Variants in RNF207 observed in about 807,000 individuals in gnomAD.
RNF207 encodes ring finger protein 207.
A neutral mutation model predicts 79.0 loss-of-function variants in RNF207; 72 were observed. The observed-to-expected ratio is 0.91, with a 90% confidence interval of 0.75 to 1.11. The LOEUF is 1.11. RNF207 is among the 50% of genes least tolerant of loss of function. The probability of loss-of-function intolerance (pLI) is 0.00; values close to 1 mark genes in which losing one functional copy is unlikely to be tolerated. For missense variants in RNF207, 936 were observed against 855.8 expected, an observed-to-expected ratio of 1.09 and a Z score of -1.17; for synonymous variants, 348 against 366.2, an observed-to-expected ratio of 0.95 and a Z score of 0.57.
Position 6,217,819 on chromosome 1 carries a change from T to A in RNF207, c.1653-470T>A, listed in dbSNP as rs1668411525. 6.6e-6 allele frequency among the ~76,000 whole-genome samples: 1 copy of A among 152,200 alleles called. No homozygotes were observed. The highest frequency in any genetic ancestry group is 1.5e-5 in the Non-Finnish European group (1 of 68,034). ...GGGCTGGACAGCTCTCTTGGGGACCTTCCCTGTGCACCTGTGACCGTGTCT... is the reference window on the plus strand; with the variant it reads ...GGGCTGGACAGCTCTCTTGGGGACCATCCCTGTGCACCTGTGACCGTGTCT... On this transcript the variant is annotated intron_variant, in intron 16 of 17. Coordinates refer to ENST00000377939, the MANE Select transcript of RNF207 (RefSeq NM_207396.3). This position sits in a 1 kb window ranked among gnomAD's most constrained non-coding sequence, Gnocchi z 4.2.
chr1:6,211,762 G>A lies in RNF207; in HGVS notation c.1110-105G>A. On this transcript the variant is annotated intron_variant, in intron 12 of 17. Coordinates refer to ENST00000377939, the MANE Select transcript of RNF207 (RefSeq NM_207396.3). The surrounding 1 kb of genome is among the most constrained non-coding windows in gnomAD (Gnocchi z 4.2). ...GTGGCTCTGCTGTGCTCCAGGTGGT[G>A]GAGAGGGCTGTGAGATCCCGGAGCA... is the stretch of plus-strand genomic sequence containing the variant. 1.3e-6 allele frequency: 1 copy of A among 761,248 alleles called. No individual in the cohort carries two copies. Among genetic ancestry groups the A allele is most frequent in the African/African-American group, 1.7e-5 (1 of 57,238 alleles). The allele number at this position is 761,248 out of a possible 1,614,324, so 47.2% of individuals were successfully genotyped here.
rs778110116 is a variant in RNF207, at chr1:6,206,724, C to G, written c.189C>G (p.Cys63Trp). 1.9e-6 allele frequency: 3 copies of G among 1,600,174 alleles called. No individual in the cohort carries two copies. The Admixed American group carries it at 5.0e-5, about 27-fold the overall frequency. The change falls in exon 2 of 18, where the codon TGC (cysteine) becomes TGG (tryptophan). Residue 63 changes from cysteine (C) to tryptophan (W), a missense_variant and splice_region_variant. Transcript: ENST00000377939. ...ACGGCCGCCTCACCTGCCCGCTGTGCCAGTAAGTGTCCCAAAGTTCCCCAA... is the reference window on the plus strand; with the variant it reads ...ACGGCCGCCTCACCTGCCCGCTGTGGCAGTAAGTGTCCCAAAGTTCCCCAA... ...ATDGRLTCPLCQHQTVLKGPS... is the reference protein window; with the variant it reads ...ATDGRLTCPLWQHQTVLKGPS...
chr1:6,206,469 A>G, intron 1 of RNF207, 67 bp from the exon 2 acceptor site: 1 of 1,261,584 alleles, frequency 7.9e-7, no homozygotes, highest in Non-Finnish European at 1.1e-6. Flanking sequence ...GCCCGGGCAG[A>G]GGGGCCGCGG....
intron 10 of RNF207, 84 bp downstream of exon 10, chr1:6,210,522 A>C (rs1223584689): frequency 6.4e-6 from 7 of 1,093,682 alleles, no homozygotes; most frequent in African/African-American, 6.2e-5. Context: ...AGGGGTGGGC[A>C]GCCTGTCACC....
chr1:6,206,307 GT>G lies in RNF207; in HGVS notation c.-1+6del, dbSNP rs1667895366. On this transcript the variant is annotated splice_donor_region_variant and intron_variant, in intron 1 of 17. Transcript: ENST00000377939. Reference sequence around the variant, plus strand: ...CCCAGCAAAGCGGCCCAGCGGGTAGGTACAAGGCCCCGCCCCTCGCCAGTCC... The same window carrying G: ...CCCAGCAAAGCGGCCCAGCGGGTAGGACAAGGCCCCGCCCCTCGCCAGTCC... 1.9e-6 allele frequency: 1 copy of G among 539,090 alleles called. No homozygotes were observed. The highest frequency in any genetic ancestry group is 2.4e-5 in the South Asian group (1 of 41,250). 33.4% of individuals were successfully genotyped at this position (539,090 alleles called of 1,614,324 possible).
Position 6,219,523 on chromosome 1 carries a change from C to T in RNF207, c.*116C>T, listed in dbSNP as rs573376352. 4.0e-4 allele frequency: 295 copies of T among 729,196 alleles called. No individual in the cohort carries two copies. Among genetic ancestry groups the T allele is most frequent in the Admixed American group, 1.0e-3 (33 of 31,992 alleles). The allele number at this position is 729,196 out of a possible 1,614,324, so 45.2% of individuals were successfully genotyped here. ...ATTTTTTATTTTTGAGATGGAGTTT[C>T]GCTCTGTTGCCCAGGCTGGAGTGTA... On this transcript the variant is annotated 3_prime_UTR_variant, in exon 18 of 18. Transcript: ENST00000377939.
rs559339941 is a variant in RNF207, at chr1:6,211,483, A to G, written c.1109+365A>G. On this transcript the variant is annotated intron_variant, in intron 12 of 17. Coordinates refer to ENST00000377939, the MANE Select transcript of RNF207 (RefSeq NM_207396.3). The surrounding 1 kb of genome is among the most constrained non-coding windows in gnomAD (Gnocchi z 4.2). ...AGGTCATAGGGGGCCTGATTCCTGGACTCATCTGGAGAGGAGTTAGAAGAG... is the reference window on the plus strand; with the variant it reads ...AGGTCATAGGGGGCCTGATTCCTGGGCTCATCTGGAGAGGAGTTAGAAGAG... Among the ~76,000 whole-genome samples the G allele has an allele frequency of 3.2e-4, 49 of 152,156 alleles. 1 individual carries two copies. The South Asian group carries it at 9.5e-3, about 30-fold the overall frequency.
chr1:6,209,439 C>T lies in RNF207; in HGVS notation c.653C>T (p.Thr218Met), dbSNP rs1668062710. 2 of 1,515,666 alleles carry T rather than the reference C, an allele frequency of 1.3e-6. No individual in the cohort carries two copies. The highest frequency in any genetic ancestry group is 8.8e-7 in the Non-Finnish European group (1 of 1,137,332). 93.9% of individuals were successfully genotyped at this position (1,515,666 alleles called of 1,614,324 possible). Residue 218 changes from threonine to methionine, a missense_variant, in exon 7 of 18, where the codon ACG becomes ATG. Transcript: ENST00000377939. ...VLAVKALQTATREAIALLQAM... is the reference protein window; with the variant it reads ...VLAVKALQTAMREAIALLQAM... ...GCCGTGAAGGCCCTGCAGACGGCCA[C>T]GCGGGAGGCCATCGCGCTGCTGCAG... is the stretch of plus-strand genomic sequence containing the variant.
In RNF207 at chr1:6,206,310, C is replaced by T; in HGVS notation, c.-1+8C>T. The T allele has an allele frequency of 1.8e-6, 1 of 542,418 alleles. No individual in the cohort carries two copies. The highest frequency in any genetic ancestry group is 3.2e-6 in the Non-Finnish European group (1 of 309,910). The allele number at this position is 542,418 out of a possible 1,614,324, so 33.6% of individuals were successfully genotyped here. A position where few individuals can be genotyped will look rare whatever the true frequency, so the allele number is the denominator to read the frequency against. ...AGCAAAGCGGCCCAGCGGGTAGGTA[C>T]AAGGCCCCGCCCCTCGCCAGTCCTC... On this transcript the variant is annotated splice_region_variant and intron_variant, in intron 1 of 17. Transcript: ENST00000377939.
rs1339419839 is a variant in RNF207 at position 6,217,784 on chromosome 1, C to T, written c.1653-505C>T. ...GAGTCCTTTAGAAGTCTATGATTCC[C>T]ATCACCGCGGGGCTGGACAGCTCTC... On this transcript the variant is annotated intron_variant, in intron 16 of 17. Coordinates refer to ENST00000377939, the MANE Select transcript of RNF207 (RefSeq NM_207396.3). The surrounding 1 kb of genome is among the most constrained non-coding windows in gnomAD (Gnocchi z 4.2). 6.6e-6 allele frequency among the ~76,000 whole-genome samples: 1 copy of T among 152,198 alleles called. No individual in the cohort carries two copies. The highest frequency in any genetic ancestry group is 1.5e-5 in the Non-Finnish European group (1 of 68,038).
At chr1:6,216,646 C>T (rs1333513108) in intron 16 of RNF207, among the ~76,000 whole-genome samples, 2 of 151,694 alleles carry the variant, frequency 1.3e-5, no homozygotes, top group African/African-American at 4.8e-5. Flanking sequence ...CTGCAACCTC[C>T]GCCTCCCGGG....
intron 17 of RNF207, 103 bp downstream of exon 17, chr1:6,218,472 T>C (rs569521822): frequency 2.4e-6 from 2 of 845,224 alleles, no homozygotes; most frequent in Non-Finnish European, 3.8e-6. Flanking sequence ...GCGCCAGCTC[T>C]GGGGCCCTGG....
rs1016987198 is a variant in RNF207 at position 6,207,038 on chromosome 1, G to A, written c.191+312G>A. On this transcript the variant is annotated intron_variant, in intron 2 of 17. Coordinates refer to ENST00000377939, the MANE Select transcript of RNF207 (RefSeq NM_207396.3). This position sits in a 1 kb window ranked among gnomAD's most constrained non-coding sequence, Gnocchi z 4.5. ...CCCGGTTACTCGCTTGGGGGTCCTA[G>A]AAGTCTTAGGTCCACAAAACCACAG... Among the ~76,000 whole-genome samples, 1 of 152,034 alleles carries A rather than the reference G, an allele frequency of 6.6e-6. No individual in the cohort carries two copies. Among genetic ancestry groups the A allele is most frequent in the African/African-American group, 2.4e-5 (1 of 41,420 alleles).
Position 6,212,062 on chromosome 1 carries a change from G to C in RNF207, c.1296+9G>C. The C allele has an allele frequency of 2.5e-6, 4 of 1,586,510 alleles. No homozygotes were observed. Among genetic ancestry groups the C allele is most frequent in the Non-Finnish European group, 3.4e-6 (4 of 1,165,970 alleles). On this transcript the variant is annotated intron_variant, in intron 13 of 17. Transcript: ENST00000377939. ...ATGAGGACTCCTACCGGGTGAGGGG[G>C]CAGGGATCTGCCGGAGGGGGGAGAT...
rs1246459287 is a variant in RNF207, at chr1:6,212,025, A to G, written c.1268A>G (p.His423Arg). Residue 423 changes from histidine to arginine, a missense_variant, in exon 13 of 18, where the codon CAC becomes CGC. By Grantham distance (29) the His-to-Arg change is conservative. Transcript: ENST00000377939. ...GGCGAGAACACGCCCTTCGCAGAGCACTGCCGCCACTATGAGGACTCCTAC... is the reference window on the plus strand; with the variant it reads ...GGCGAGAACACGCCCTTCGCAGAGCGCTGCCGCCACTATGAGGACTCCTAC... ...AEGENTPFAE[H>R]CRHYEDSYRH... 2 of 1,594,002 alleles carry G rather than the reference A, an allele frequency of 1.3e-6. No homozygotes were observed. Among genetic ancestry groups the G allele is most frequent in the Non-Finnish European group, 1.7e-6 (2 of 1,171,300 alleles).
Position 6,220,229 on chromosome 1 carries a change from T to C in RNF207, c.*822T>C, listed in dbSNP as rs1483058326. 1 of 152,220 alleles carries C rather than the reference T, an allele frequency of 6.6e-6. No individual in the cohort carries two copies. Among genetic ancestry groups the C allele is most frequent in the African/African-American group, 2.4e-5 (1 of 41,446 alleles). 9.4% of individuals were successfully genotyped at this position (152,220 alleles called of 1,614,324 possible). ...TTGCATGGCATGAAGTCTTCGTCCTTGTCACAGTAGCTTGGGATGACTCCC... is the reference window on the plus strand; with the variant it reads ...TTGCATGGCATGAAGTCTTCGTCCTCGTCACAGTAGCTTGGGATGACTCCC... On this transcript the variant is annotated 3_prime_UTR_variant, in exon 18 of 18. Transcript: ENST00000377939.
In RNF207 at chr1:6,209,010, G is replaced by T; in HGVS notation, c.454G>T (p.Val152Leu). 1 of 1,540,230 alleles carries T rather than the reference G, an allele frequency of 6.5e-7. No individual in the cohort carries two copies. Among genetic ancestry groups the T allele is most frequent in the Non-Finnish European group, 8.7e-7 (1 of 1,145,686 alleles). Residue 152 changes from valine to leucine, a missense_variant, in exon 4 of 18, where the codon GTG becomes TTG. Val to Leu is a conservative substitution (Grantham distance 32, BLOSUM62 1). Coordinates refer to ENST00000377939, the MANE Select transcript of RNF207 (RefSeq NM_207396.3). ...GGCCCTGGGTCAGCGAAGCCGCGAC[G>T]TGCCCCAGAAGTGCAGTGAGTGAGG... ...IVALGQRSRD[V>L]PQKCTLHAEP...
chr1:6,206,780 G>A, intron 2 of RNF207, 54 bp downstream of exon 2: 8 of 1,502,126 alleles, frequency 5.3e-6, no homozygotes, highest in Non-Finnish European at 7.2e-6. Context: ...CCGGGCCCAA[G>A]GTTGGCTCTG....
At position 6,212,695 on chromosome 1, in the gene RNF207, C is replaced by T. The variant is rs988696061; in HGVS notation, c.1496C>T (p.Ala499Val). The change falls in exon 15 of 18, where the codon GCC becomes GTC. Residue 499 changes from alanine to valine, a missense_variant. Physicochemically the swap from Ala to Val is moderately conservative, Grantham distance 64. Transcript: ENST00000377939. Reference protein sequence around the residue: ...RVVFQEIWEEAYQRVANEQEI... With the variant: ...RVVFQEIWEEVYQRVANEQEI... ...TTTCTCTTTCAGATTTGGGAGGAAG[C>T]CTATCAGCGAGTGGCTAATGAGCAG... is the stretch of plus-strand genomic sequence containing the variant. The T allele has an allele frequency of 1.2e-6, 2 of 1,613,640 alleles. No individual in the cohort carries two copies. The highest frequency in any genetic ancestry group is 1.3e-5 in the African/African-American group (1 of 74,898).
Sources: allele counts gnomAD v4.1 joint callset (sites outside exome capture counted in the v4.1 genomes callset), GRCh38; gene constraint gnomAD v4.1.1; non-coding constraint Gnocchi (gnomAD v3.1); transcripts MANE v1.5; gene names NCBI Gene and HGNC (gene_info 2026-07-23, HGNC 2026-07-21).